Variants in BIN3 observed in about 807,000 individuals in gnomAD.
BIN3 encodes bridging integrator 3.
Under a neutral mutation model 38.2 loss-of-function variants are expected in BIN3, and 41 were observed. The ratio of observed to expected loss-of-function variants is 1.07; its 90% CI spans 0.84 to 1.39. The LOEUF (loss-of-function observed/expected upper bound fraction) is 1.39, where lower values mean the gene tolerates loss of function less well. Ranked by LOEUF, BIN3 falls within the 40% of genes most tolerant of loss-of-function variation. The pLI is 0.00. For synonymous variants in BIN3, 145 were observed against 122.6 expected, an observed-to-expected ratio of 1.18 and a Z score of -1.21; for missense variants, 361 against 324.3, an observed-to-expected ratio of 1.11 and a Z score of -0.87.
chr8:22,663,970 C>G (rs1381715364), intron 1 of BIN3, among the ~76,000 whole-genome samples: 5 of 152,188 alleles, frequency 3.3e-5, no homozygotes, highest in Admixed American at 6.5e-5. Flanking sequence ...AGATAGAGAT[C>G]GACTCATGCA....
At chr8:22,662,777 T>G (rs971013462) in intron 1 of BIN3, among the ~76,000 whole-genome samples, 3 of 151,788 alleles carry the variant, frequency 2.0e-5, no homozygotes, top group Admixed American at 1.3e-4. Flanking sequence ...AATTAAAAAA[T>G]CATATGCACT....
rs901656835 is a variant in BIN3, at chr8:22,645,237, T to C, written c.9-434A>G. On this transcript the variant is annotated intron_variant, in intron 1 of 8. Transcript: ENST00000276416. Reference sequence around the variant, plus strand: ...ATCCCAGCACTTTGGGAGGCCCAGGTGGAGGACTGCTTGAGCCAGGAGTTC... The same window carrying C: ...ATCCCAGCACTTTGGGAGGCCCAGGCGGAGGACTGCTTGAGCCAGGAGTTC... 6.8e-5 allele frequency among the ~76,000 whole-genome samples: 10 copies of C among 147,256 alleles called. No homozygotes were observed. In the East Asian group the frequency reaches 1.6e-3, roughly 23 times the overall value.
chr8:22,633,564 G>T (rs1249365593), intron 4 of BIN3, among the ~76,000 whole-genome samples: 1 of 152,258 alleles, frequency 6.6e-6, no homozygotes, highest in African/African-American at 2.4e-5. Context: ...ATGAGTTTCT[G>T]AAAGAAAGGT....
Position 22,621,714 on chromosome 8 carries a change from G to A in BIN3, c.616-146C>T, listed in dbSNP as rs1458087503. The A allele has an allele frequency of 1.6e-5, 14 of 860,582 alleles. No individual in the cohort carries two copies. The Middle Eastern group carries it at 1.1e-3, about 66-fold the overall frequency. The allele number at this position is 860,582 out of a possible 1,614,324, so 53.3% of individuals were successfully genotyped here. On this transcript the variant is annotated intron_variant, in intron 8 of 8. Coordinates refer to ENST00000276416, the MANE Select transcript of BIN3 (RefSeq NM_018688.6). ...GTGCCTTTGGGGATATGCAGGGCAC[G>A]GAAGGGCTCTAGCTGAGACTGAACC...
intron 6 of BIN3, chr8:22,625,575 T>C: frequency 1.6e-6 from 1 of 606,840 alleles, no homozygotes; most frequent in Non-Finnish European, 3.0e-6. Flanking sequence ...CAGATGTGCC[T>C]CTCAAAGGAC....
intron 2 of BIN3, among the ~76,000 whole-genome samples, 155 bp from the exon 3 acceptor site, chr8:22,637,117 T>C (rs943458486): frequency 8.5e-5 from 13 of 152,126 alleles, no homozygotes; most frequent in Non-Finnish European, 5.9e-5. Context: ...CCTGACACGG[T>C]ATTTCTGAGA....
intron 8 of BIN3, among the ~76,000 whole-genome samples, chr8:22,622,334 C>T (rs1277974607): frequency 6.6e-6 from 1 of 152,228 alleles, no homozygotes; most frequent in Non-Finnish European, 1.5e-5. Context: ...TGAGGAGGAG[C>T]TCTAGACACT....
At chr8:22,637,645 A>C (rs1802415504) in intron 2 of BIN3, among the ~76,000 whole-genome samples, 1 of 152,216 alleles carries the variant, frequency 6.6e-6, no homozygotes, top group Non-Finnish European at 1.5e-5. Context: ...GATGAAGTTA[A>C]GAAGTCTAGT....
At chr8:22,662,980 A>T (rs943974721) in intron 1 of BIN3, among the ~76,000 whole-genome samples, 7 of 152,076 alleles carry the variant, frequency 4.6e-5, no homozygotes, top group African/African-American at 1.7e-4. Context: ...CTACTAAAAA[A>T]TGGTGGTGCA....
intron 6 of BIN3, among the ~76,000 whole-genome samples, chr8:22,627,840 G>A (rs531432371): frequency 1.4e-4 from 22 of 152,354 alleles, no homozygotes; most frequent in African/African-American, 4.8e-4. Flanking sequence ...CCTGCACCAC[G>A]CTGGCAGCTG....
intron 1 of BIN3, among the ~76,000 whole-genome samples, chr8:22,656,107 C>T (rs1392303296): frequency 6.6e-6 from 1 of 152,056 alleles, no homozygotes; most frequent in Non-Finnish European, 1.5e-5. Flanking sequence ...AAGGATATTA[C>T]CAGAAGTGCA....
intron 2 of BIN3, 102 bp downstream of exon 2, chr8:22,644,653 G>A (rs1340634835): frequency 1.3e-5 from 15 of 1,198,910 alleles, no homozygotes; most frequent in Non-Finnish European, 1.8e-5. Context: ...CCAGGTTGCT[G>A]TCTTCCCAGC....
At chr8:22,626,635 T>TGA (rs3834374) in intron 6 of BIN3, 61,911 of 152,224 alleles carry the variant, frequency 0.41, 12,921 homozygotes, top group South Asian at 0.5. Context: ...AGGGCAAGGA[T>TGA]GAGGCAGGCA....
chr8:22,660,360 C>T (rs1348018979), intron 1 of BIN3, among the ~76,000 whole-genome samples: 2 of 152,278 alleles, frequency 1.3e-5, no homozygotes, highest in Admixed American at 6.5e-5. Flanking sequence ...CTGGCCTCAT[C>T]TCCATTCCGA....
chr8:22,631,136 G>C (rs1205245621), intron 4 of BIN3, among the ~76,000 whole-genome samples: 1 of 152,168 alleles, frequency 6.6e-6, no homozygotes, highest in South Asian at 2.1e-4. Context: ...AAAGGGATGT[G>C]GCTGTTTCAA....
intron 2 of BIN3, among the ~76,000 whole-genome samples, chr8:22,639,013 A>C (rs1802455816): frequency 6.6e-6 from 1 of 152,254 alleles, no homozygotes. Flanking sequence ...GTTTGCAGGA[A>C]CCAAAGTCTT....
chr8:22,637,351 T>TG lies in BIN3; in HGVS notation c.58-390dup, dbSNP rs3837165. On this transcript the variant is annotated intron_variant, in intron 2 of 8. Transcript: ENST00000276416. ...GCAGAGGAGAGGGCGGGTCTGGAAT[T>TG]GGGGGTCTGTCTCTGCCTTTTCCTA... is the stretch of plus-strand genomic sequence containing the variant. 2.6e-5 allele frequency among the ~76,000 whole-genome samples: 4 copies of TG among 152,252 alleles called. No individual in the cohort carries two copies. The East Asian group carries it at 5.8e-4, about 22-fold the overall frequency.
intron 6 of BIN3, chr8:22,625,190 C>T (rs764133215): frequency 3.8e-5 from 24 of 636,292 alleles, no homozygotes; most frequent in Non-Finnish European, 5.4e-5. Flanking sequence ...AGGTCCACAC[C>T]GGCCTCGTCT....
intron 6 of BIN3, among the ~76,000 whole-genome samples, chr8:22,627,068 G>A (rs904976248): frequency 6.6e-6 from 1 of 152,210 alleles, no homozygotes. Context: ...TGCCCCAGTG[G>A]GAAGAGCATG....
Sources: allele counts gnomAD v4.1 joint callset (sites outside exome capture counted in the v4.1 genomes callset), GRCh38; gene constraint gnomAD v4.1.1; transcripts MANE v1.5; gene names NCBI Gene and HGNC (gene_info 2026-07-23, HGNC 2026-07-21).